Variants in SLIT2 observed in about 807,000 individuals in gnomAD.
SLIT2 encodes the protein slit guidance ligand 2.
SLIT2 carries 41 observed loss-of-function variants against 185.7 expected under a neutral mutation model. The observed-to-expected ratio is 0.22, with a 90% CI of 0.17 to 0.29. SLIT2 has a LOEUF of 0.29. Ranked by LOEUF, SLIT2 falls within the 10% of genes least tolerant of loss-of-function variation. The pLI is 1.00. For synonymous variants in SLIT2, 693 were observed against 680.2 expected (o/e 1.02, Z -0.29); for missense variants, 1,571 against 1,909.0 (o/e 0.82, Z 3.30).
At chr4:20,368,057 A>G (rs1388418924) in intron 4 of SLIT2, among the ~76,000 whole-genome samples, 1 of 152,108 alleles carries the variant, frequency 6.6e-6, no homozygotes, top group Non-Finnish European at 1.5e-5. Flanking sequence ...TGTGTACAAT[A>G]AGAAGTCTTG....
intron 4 of SLIT2, among the ~76,000 whole-genome samples, chr4:20,330,935 T>C (rs1248781199): frequency 1.3e-5 from 2 of 152,096 alleles, no homozygotes; most frequent in Non-Finnish European, 2.9e-5. Context: ...TATGTTAAAA[T>C]TGGGTCTTTA....
At chr4:20,360,798 A>C (rs572425067) in intron 4 of SLIT2, among the ~76,000 whole-genome samples, 22 of 152,298 alleles carry the variant, frequency 1.4e-4, no homozygotes, top group African/African-American at 5.3e-4. Context: ...ATTTTTTAAA[A>C]AATAGATACC....
chr4:20,510,694 G>A lies in SLIT2; in HGVS notation c.986+128G>A. On this transcript the variant is annotated intron_variant, in intron 10 of 36. Transcript: ENST00000504154. Reference sequence around the variant, plus strand: ...TAAATATTAAGTGATGTGACTGTCTGATTACTAGCTCTGTAATAATATTTT... The same window carrying A: ...TAAATATTAAGTGATGTGACTGTCTAATTACTAGCTCTGTAATAATATTTT... 5 of 598,256 alleles carry A rather than the reference G, an allele frequency of 8.4e-6. No individual in the cohort carries two copies. The South Asian group carries it at 1.2e-4, about 14-fold the overall frequency. 37.1% of individuals were successfully genotyped at this position (598,256 alleles called of 1,614,324 possible).
At chr4:20,478,453 T>G (rs953907172) in intron 5 of SLIT2, among the ~76,000 whole-genome samples, 12 of 152,340 alleles carry the variant, frequency 7.9e-5, no homozygotes, top group African/African-American at 2.9e-4. Flanking sequence ...GCATCTCAAC[T>G]TCTGCTCCTG....
intron 4 of SLIT2, among the ~76,000 whole-genome samples, chr4:20,361,573 A>G (rs1406021224): frequency 6.6e-6 from 1 of 152,160 alleles, no homozygotes; most frequent in Non-Finnish European, 1.5e-5. Flanking sequence ...ATTAAAAGTA[A>G]TGGCAAAACC....
intron 32 of SLIT2, 118 bp from the exon 33 acceptor site, chr4:20,598,147 G>T: frequency 2.3e-6 from 2 of 855,746 alleles, no homozygotes; most frequent in Non-Finnish European, 3.5e-6. Flanking sequence ...TTTTCTCATA[G>T]CCATCAGGAA....
intron 4 of SLIT2, among the ~76,000 whole-genome samples, chr4:20,372,074 A>T (rs1369344977): frequency 3.3e-5 from 5 of 152,114 alleles, no homozygotes; most frequent in Non-Finnish European, 7.4e-5. Context: ...TGTCTTTCTT[A>T]TTCTTCACCC....
intron 4 of SLIT2, among the ~76,000 whole-genome samples, chr4:20,389,969 A>G (rs1350184064): frequency 6.6e-6 from 1 of 152,082 alleles, no homozygotes; most frequent in African/African-American, 2.4e-5. Flanking sequence ...CCAGCTTTCT[A>G]TTCTTTGCAT....
At chr4:20,274,186 A>T (rs966219465) in intron 4 of SLIT2, among the ~76,000 whole-genome samples, 1 of 152,172 alleles carries the variant, frequency 6.6e-6, no homozygotes, top group African/African-American at 2.4e-5. Context: ...CGAGAGAGAA[A>T]ACTTAGAAAA....
chr4:20,335,559 G>A (rs560853905), intron 4 of SLIT2, among the ~76,000 whole-genome samples: 266 of 152,198 alleles, frequency 1.7e-3, no homozygotes, highest in Middle Eastern at 0.01. Flanking sequence ...CCAAAAAATT[G>A]TTTTGAAGTT....
In SLIT2 at chr4:20,338,366, A is replaced by G. The variant is rs146299487; in HGVS notation, c.395+69485A>G. On this transcript the variant is annotated intron_variant, in intron 4 of 36. Coordinates refer to ENST00000504154, the MANE Select transcript of SLIT2 (RefSeq NM_004787.4). Reference sequence around the variant, plus strand: ...ATGGCACAATTATTTTCATAATATTAGATTGAATTAAGCTGGTGAGACAAT... The same window carrying G: ...ATGGCACAATTATTTTCATAATATTGGATTGAATTAAGCTGGTGAGACAAT... 3.9e-4 allele frequency among the ~76,000 whole-genome samples: 59 copies of G among 152,324 alleles called. No homozygotes were observed. In the East Asian group the frequency reaches 0.011, roughly 28 times the overall value.
intron 5 of SLIT2, among the ~76,000 whole-genome samples, chr4:20,469,125 G>T (rs545691689): frequency 5.9e-5 from 9 of 152,124 alleles, no homozygotes; most frequent in African/African-American, 2.2e-4. Flanking sequence ...GCTAGTTAGG[G>T]CTTCAAGAAG....
chr4:20,572,913 C>A (rs1033364951), intron 29 of SLIT2, among the ~76,000 whole-genome samples: 8 of 152,054 alleles, frequency 5.3e-5, no homozygotes, highest in African/African-American at 1.9e-4. Context: ...CATTGTGTAC[C>A]CATTTTCTCT....
chr4:20,554,100 G>A, intron 26 of SLIT2, 132 bp downstream of exon 26: 2 of 753,852 alleles, frequency 2.7e-6, no homozygotes, highest in Non-Finnish European at 4.3e-6. Context: ...GCCCATGCTT[G>A]GACAAGACAG....
At chr4:20,555,100 C>T (rs1470516284) in intron 26 of SLIT2, among the ~76,000 whole-genome samples, 1 of 151,930 alleles carries the variant, frequency 6.6e-6, no homozygotes, top group Non-Finnish European at 1.5e-5. Context: ...GGTCACTCAT[C>T]ATTATTAGAT....
chr4:20,398,758 T>C (rs528926786), intron 4 of SLIT2, among the ~76,000 whole-genome samples: 37 of 151,986 alleles, frequency 2.4e-4, no homozygotes, highest in African/African-American at 7.9e-4. Flanking sequence ...GTGTGGATTA[T>C]AGTGTCATTT....
At chr4:20,548,091 C>T (rs1336000020) in intron 22 of SLIT2, among the ~76,000 whole-genome samples, 1 of 151,810 alleles carries the variant, frequency 6.6e-6, no homozygotes, top group Admixed American at 6.6e-5. Context: ...GGTTTATTTC[C>T]CACCGGCAAA....
intron 20 of SLIT2, 69 bp from the exon 21 acceptor site, chr4:20,542,425 G>A: frequency 1.4e-6 from 2 of 1,430,308 alleles, no homozygotes; most frequent in Non-Finnish European, 1.9e-6. Flanking sequence ...TAATTTAAAG[G>A]CATAAAATCC....
chr4:20,556,735 C>T lies in SLIT2; in HGVS notation c.2725+2767C>T, dbSNP rs537857300. On this transcript the variant is annotated intron_variant, in intron 26 of 36. Coordinates refer to ENST00000504154, the MANE Select transcript of SLIT2 (RefSeq NM_004787.4). Reference sequence around the variant, plus strand: ...ATCAAAAGCTAGAAATTATTAACAACAACAACAACAACAAAAATGTAGCAA... The same window carrying T: ...ATCAAAAGCTAGAAATTATTAACAATAACAACAACAACAAAAATGTAGCAA... Among the ~76,000 whole-genome samples the T allele has an allele frequency of 5.6e-5, 7 of 125,390 alleles. 1 individual carries two copies. In the South Asian group the frequency reaches 1.9e-3, roughly 33 times the overall value. The allele number at this position is 125,390 out of a possible 152,430, so 82.3% of individuals were successfully genotyped here.
Sources: gnomAD v4.1 joint callset for allele counts (sites outside exome capture counted in the v4.1 genomes callset) on GRCh38, gnomAD v4.1.1 for gene constraint, MANE v1.5 for transcripts, NCBI Gene and HGNC (gene_info 2026-07-23, HGNC 2026-07-21) for gene names.